Variants in AFDN observed in about 807,000 individuals in gnomAD.
AFDN encodes afadin, adherens junction formation factor, also known as afadin.
In AFDN, 68 loss-of-function variants were observed where a neutral mutation model predicts 216.6. The ratio of observed to expected loss-of-function variants is 0.31; its 90% CI spans 0.26 to 0.38. The LOEUF is 0.38. Ranked by LOEUF, AFDN falls within the 10% of genes least tolerant of loss-of-function variation. The probability of loss-of-function intolerance (pLI) is 1.00; values close to 1 mark genes in which losing one functional copy is unlikely to be tolerated. For synonymous variants in AFDN, 868 were observed against 853.7 expected (o/e 1.02, Z -0.29); for missense variants, 2,136 against 2,342.0 (o/e 0.91, Z 1.82).
intron 26 of AFDN, 73 bp downstream of exon 26, chr6:167,944,132 G>A: frequency 1.7e-6 from 2 of 1,173,962 alleles, no homozygotes; most frequent in Non-Finnish European, 2.5e-6. Context: ...CCCCCATGGA[G>A]GAGGTACTGG....
At chr6:167,899,247 G>T (rs1036854328) in intron 11 of AFDN, among the ~76,000 whole-genome samples, 1 of 151,936 alleles carries the variant, frequency 6.6e-6, no homozygotes, top group Admixed American at 6.6e-5. Context: ...ATACTTGGTG[G>T]GTTATCACAT....
chr6:167,868,965 C>A (rs543464792), intron 2 of AFDN, among the ~76,000 whole-genome samples: 1 of 150,964 alleles, frequency 6.6e-6, no homozygotes, highest in East Asian at 1.9e-4. Context: ...CTGTGGAAAT[C>A]GGATCTTGCC....
Position 167,969,117 on chromosome 6 carries a change from C to T in AFDN, c.5261C>T (p.Pro1754Leu). The T allele has an allele frequency of 1.2e-6, 2 of 1,613,002 alleles. No homozygotes were observed. Among genetic ancestry groups the T allele is most frequent in the African/African-American group, 1.3e-5 (1 of 74,998 alleles). Residue 1754 changes from proline (P) to leucine (L), a missense_variant, in exon 33 of 34, where the codon CCA becomes CTA. By Grantham distance (98) the Pro-to-Leu change is moderately conservative (BLOSUM62 -3). Around this residue, in one of 8 missense-constraint regions of AFDN, gnomAD observed 981 missense variants for 966.0 expected, o/e 1.02. Transcript: ENST00000683244. Reference protein sequence around the residue: ...EEEEDCSLAGPNSYPGSTGAA... With the variant: ...EEEEDCSLAGLNSYPGSTGAA... ...TACTGTTTCTTTCATGGAAAAGGAC[C>T]AAACTCTTACCCAGGATCTACTGGA...
chr6:167,932,247 T>C (rs138209418), intron 23 of AFDN, among the ~76,000 whole-genome samples: 3 of 152,354 alleles, frequency 2.0e-5, no homozygotes, highest in South Asian at 2.1e-4. Context: ...GGGTAGCTGC[T>C]GTAACCCTGA....
intron 1 of AFDN, among the ~76,000 whole-genome samples, chr6:167,840,937 A>G (rs1781000429): frequency 6.6e-6 from 1 of 152,152 alleles, no homozygotes; most frequent in Non-Finnish European, 1.5e-5. Flanking sequence ...GTTCAGATGG[A>G]CCTCCGTGGC....
In AFDN at chr6:167,914,939, CTT is replaced by C. The variant is rs1790853513; in HGVS notation, c.2299+203_2299+204del. Among the ~76,000 whole-genome samples, 5 of 152,294 alleles carry C rather than the reference CTT, an allele frequency of 3.3e-5. No homozygotes were observed. In the South Asian group the frequency reaches 8.3e-4, roughly 25 times the overall value. ...TTTGGTGTGTCATGCTGGCCATACTCTTTAAAAAGTCTCTTAAGGCCAAACTA... is the reference window on the plus strand; with the variant it reads ...TTTGGTGTGTCATGCTGGCCATACTCTAAAAAGTCTCTTAAGGCCAAACTA... On this transcript the variant is annotated intron_variant, in intron 18 of 33. Coordinates refer to ENST00000683244, the MANE Select transcript of AFDN (RefSeq NM_001386888.1).
intron 2 of AFDN, among the ~76,000 whole-genome samples, chr6:167,869,135 CAT>C (rs201249774): frequency 0.02 from 3,001 of 152,124 alleles, 56 homozygotes; most frequent in Non-Finnish European, 0.033. Context: ...AGGGCACTGT[CAT>C]ATGCATTCTG....
At chr6:167,887,012 CAAAAAA>C (rs67970460) in intron 6 of AFDN, among the ~76,000 whole-genome samples, 3 of 90,504 alleles carry the variant, frequency 3.3e-5, no homozygotes, top group Admixed American at 2.3e-4. Flanking sequence ...GAGACTGTAT[CAAAAAA>C]AAAAAAAAAA....
At chr6:167,835,209 C>G (rs867147355) in intron 1 of AFDN, among the ~76,000 whole-genome samples, 7 of 152,206 alleles carry the variant, frequency 4.6e-5, no homozygotes, top group African/African-American at 1.7e-4. Flanking sequence ...CTCTCAAACT[C>G]TCAGTAGTGG....
intron 23 of AFDN, 32 bp downstream of exon 23, chr6:167,925,123 C>G (rs2301534): frequency 2.0e-6 from 3 of 1,485,534 alleles, no homozygotes; most frequent in African/African-American, 1.4e-5. Flanking sequence ...GAGTTGTTCT[C>G]TCCAGTCTTT....
intron 32 of AFDN, among the ~76,000 whole-genome samples, chr6:167,967,713 A>G (rs1314280468): frequency 6.6e-6 from 1 of 152,170 alleles, no homozygotes; most frequent in Non-Finnish European, 1.5e-5. Flanking sequence ...ACCAGGTCAT[A>G]GCCGACATCT....
At chr6:167,899,841 C>T (rs1237557023) in intron 11 of AFDN, among the ~76,000 whole-genome samples, 1 of 152,228 alleles carries the variant, frequency 6.6e-6, no homozygotes, top group Non-Finnish European at 1.5e-5. Flanking sequence ...TTTCTTGTGA[C>T]ATGTGTTACT....
At chr6:167,834,336 C>T (rs554054964) in intron 1 of AFDN, among the ~76,000 whole-genome samples, 6 of 151,836 alleles carry the variant, frequency 4.0e-5, no homozygotes, top group South Asian at 4.2e-4. Context: ...CACTTAGGAG[C>T]GAGAACATAT....
At chr6:167,867,030 A>C (rs560555325) in intron 2 of AFDN, among the ~76,000 whole-genome samples, 7 of 152,348 alleles carry the variant, frequency 4.6e-5, no homozygotes, top group African/African-American at 1.7e-4. Context: ...TACTTTAAAA[A>C]CGTGAATGAA....
chr6:167,931,450 A>C (rs1333166186), intron 23 of AFDN, among the ~76,000 whole-genome samples: 3 of 152,182 alleles, frequency 2.0e-5, no homozygotes, highest in Admixed American at 1.3e-4. Flanking sequence ...GGATGTCAGC[A>C]TATAGATGCT....
intron 12 of AFDN, among the ~76,000 whole-genome samples, chr6:167,906,136 T>C (rs147388822): frequency 2.4e-3 from 360 of 152,204 alleles, no homozygotes; most frequent in African/African-American, 8.4e-3. Flanking sequence ...TATGGAAGGA[T>C]TCATTGGGTG....
intron 9 of AFDN, among the ~76,000 whole-genome samples, chr6:167,895,275 G>T (rs1300393855): frequency 6.6e-6 from 1 of 152,092 alleles, no homozygotes; most frequent in Non-Finnish European, 1.5e-5. Context: ...AACTAGGGGG[G>T]TTCATTAGAA....
At chr6:167,833,007 C>G (rs563966558) in intron 1 of AFDN, among the ~76,000 whole-genome samples, 8 of 152,166 alleles carry the variant, frequency 5.3e-5, no homozygotes, top group Admixed American at 2.0e-4. Flanking sequence ...TCTCCTTTAA[C>G]TCTAGGTATG....
intron 27 of AFDN, among the ~76,000 whole-genome samples, chr6:167,947,471 G>T (rs201791684): frequency 6.6e-6 from 1 of 152,096 alleles, no homozygotes; most frequent in Non-Finnish European, 1.5e-5. Context: ...GAGCCACCAT[G>T]CCCAGCCAAT....
Sources: gnomAD v4.1 joint callset for allele counts (sites outside exome capture counted in the v4.1 genomes callset) on GRCh38, gnomAD v4.1.1 for gene constraint, gnomAD v4.1.1 regional missense constraint, MANE v1.5 for transcripts, NCBI Gene and HGNC (gene_info 2026-07-23, HGNC 2026-07-21) for gene names.